DDHD1: variants seen among roughly 807,000 people sequenced by gnomAD.
The protein encoded by DDHD1 is phospholipase DDHD1.
In DDHD1, 49 loss-of-function variants were observed where a neutral mutation model predicts 96.4. That is an observed-to-expected ratio of 0.51 (90% CI 0.40 to 0.64). The LOEUF (loss-of-function observed/expected upper bound fraction) is 0.64. Ranked by LOEUF, DDHD1 falls within the 30% of genes least tolerant of loss-of-function variation. The pLI is 0.00. For missense variants in DDHD1, 1,106 were observed against 1,161.2 expected (o/e 0.95, Z 0.69); for synonymous variants, 442 against 446.5 (o/e 0.99, Z 0.13).
intron 2 of DDHD1, among the ~76,000 whole-genome samples, chr14:53,096,744 T>G (rs1251356694): frequency 6.6e-6 from 1 of 151,886 alleles, no homozygotes; most frequent in East Asian, 1.9e-4. Context: ...AAAAAAAAAT[T>G]CTTTTCTCAA....
chr14:53,112,837 T>C (rs1888209761), intron 1 of DDHD1, among the ~76,000 whole-genome samples: 1 of 152,176 alleles, frequency 6.6e-6, no homozygotes, highest in Admixed American at 6.5e-5. Context: ...CCTGCTTGAC[T>C]TTAACAAAAC....
Position 53,102,341 on chromosome 14 carries a change from A to G in DDHD1, c.1012+1342T>C, listed in dbSNP as rs573267443. On this transcript the variant is annotated intron_variant, in intron 2 of 12. Transcript: ENST00000673822. ...TGGCAATCTGTAGAAACATACCTAGAGCTCTTACACTGGGCTGCTCCTTAT... is the reference window on the plus strand; with the variant it reads ...TGGCAATCTGTAGAAACATACCTAGGGCTCTTACACTGGGCTGCTCCTTAT... Among the ~76,000 whole-genome samples, 3 of 152,126 alleles carry G rather than the reference A, an allele frequency of 2.0e-5. No individual in the cohort carries two copies. In the South Asian group the frequency reaches 6.2e-4, roughly 32 times the overall value.
intron 6 of DDHD1, among the ~76,000 whole-genome samples, chr14:53,070,491 G>C (rs573160888): frequency 6.6e-6 from 1 of 152,204 alleles, no homozygotes; most frequent in African/African-American, 2.4e-5. Context: ...TTTTGGGTTA[G>C]AACCTTGTTA....
intron 1 of DDHD1, among the ~76,000 whole-genome samples, chr14:53,118,541 C>G (rs1010620968): frequency 3.3e-5 from 5 of 151,788 alleles, no homozygotes; most frequent in African/African-American, 1.2e-4. Context: ...CCGATTCAAA[C>G]AAGTGGAAGA....
At chr14:53,140,229 T>C (rs1173493757) in intron 1 of DDHD1, among the ~76,000 whole-genome samples, 5 of 152,166 alleles carry the variant, frequency 3.3e-5, no homozygotes, top group Admixed American at 6.5e-5. Flanking sequence ...ACATACGTAA[T>C]TGAAATTCAA....
intron 1 of DDHD1, 55 bp downstream of exon 1, chr14:53,152,206 G>A: frequency 6.7e-7 from 1 of 1,496,780 alleles, no homozygotes. Context: ...ACACCGGTGC[G>A]CATCGGCCCA....
chr14:53,053,778 T>C (rs1359266958), intron 11 of DDHD1: 1 of 152,174 alleles, frequency 6.6e-6, no homozygotes, highest in Non-Finnish European at 1.5e-5. Context: ...CTAAAAATAA[T>C]GTTCAAGTTC....
At chr14:53,122,349 A>T (rs1431581222) in intron 1 of DDHD1, among the ~76,000 whole-genome samples, 3 of 151,766 alleles carry the variant, frequency 2.0e-5, no homozygotes, top group Non-Finnish European at 4.4e-5. Flanking sequence ...ACAGCTAGGC[A>T]CCTCCCTGGG....
intron 8 of DDHD1, among the ~76,000 whole-genome samples, chr14:53,058,892 ACAAAT>A (rs1163847061): frequency 9.8e-5 from 15 of 152,360 alleles, no homozygotes; most frequent in African/African-American, 3.6e-4. Context: ...ATTTGTATAC[ACAAAT>A]CAAATATTTA....
intron 1 of DDHD1, among the ~76,000 whole-genome samples, chr14:53,133,988 C>A (rs1198205913): frequency 6.6e-6 from 1 of 152,198 alleles, no homozygotes; most frequent in Non-Finnish European, 1.5e-5. Flanking sequence ...CATCGGACAG[C>A]CAGCCTGAAG....
intron 2 of DDHD1, chr14:53,103,048 C>G: frequency 6.4e-7 from 1 of 1,568,560 alleles, no homozygotes; most frequent in Non-Finnish European, 8.7e-7. Flanking sequence ...GTTGATCCCA[C>G]TGCCTGCAGT....
intron 1 of DDHD1, among the ~76,000 whole-genome samples, chr14:53,145,502 C>CAAAAAA (rs34747977): frequency 1.1e-4 from 7 of 61,688 alleles, no homozygotes; most frequent in African/African-American, 3.9e-4. Context: ...AACCTTGTCT[C>CAAAAAA]AAAAAAAAAA....
chr14:53,123,169 T>C (rs553927824), intron 1 of DDHD1, among the ~76,000 whole-genome samples: 50 of 147,062 alleles, frequency 3.4e-4, no homozygotes, highest in African/African-American at 1.2e-3. Context: ...TATTTTGAGA[T>C]GGAGTATTAC....
Position 53,152,647 on chromosome 14 carries a change from G to GGGCCGCCA in DDHD1, c.444_451dup (p.Pro151LeufsTer12). The GGGCCGCCA allele has an allele frequency of 6.2e-7, 1 of 1,613,084 alleles. No individual in the cohort carries two copies. The highest frequency in any genetic ancestry group is 8.5e-7 in the Non-Finnish European group (1 of 1,179,860). On this transcript the variant is annotated frameshift_variant, in exon 1 of 13. Transcript: ENST00000673822. LOFTEE classifies it high-confidence loss of function. ...TACCTCATAGCGGTGCCGGGCCGCC[G>GGGCCGCCA]GGCCGCCAAGCCGGGTACGTTTCCT...
At chr14:53,050,118 C>G (rs1882406750) in intron 12 of DDHD1, among the ~76,000 whole-genome samples, 1 of 152,090 alleles carries the variant, frequency 6.6e-6, no homozygotes, top group Admixed American at 6.5e-5. Flanking sequence ...TCTCTCAGTT[C>G]TAAGGAATGA....
chr14:53,113,370 A>G (rs1481176220), intron 1 of DDHD1, among the ~76,000 whole-genome samples: 4 of 140,086 alleles, frequency 2.9e-5, no homozygotes, highest in Non-Finnish European at 6.0e-5. Flanking sequence ...CTTTTTAAAA[A>G]AAAAAACCCC....
chr14:53,072,717 CA>C lies in DDHD1; in HGVS notation c.1397-15del. ...AATCAACAGTGTCTACAAAAACAAA[CA>C]AAAAAAGCAAGTTAACTTATAGAAA... is the stretch of plus-strand genomic sequence containing the variant. On this transcript the variant is annotated splice_polypyrimidine_tract_variant and intron_variant, in intron 5 of 12. Coordinates refer to ENST00000673822, the MANE Select transcript of DDHD1 (RefSeq NM_001160148.2). The C allele has an allele frequency of 4.5e-6, 7 of 1,559,048 alleles. No homozygotes were observed. Among genetic ancestry groups the C allele is most frequent in the East Asian group, 2.3e-5 (1 of 44,408 alleles).
chr14:53,099,649 C>T (rs1887151301), intron 2 of DDHD1, among the ~76,000 whole-genome samples: 1 of 152,136 alleles, frequency 6.6e-6, no homozygotes, highest in Admixed American at 6.5e-5. Context: ...ATGAGTGAAA[C>T]ACTAATCCAG....
intron 1 of DDHD1, among the ~76,000 whole-genome samples, chr14:53,106,173 A>C (rs1345637685): frequency 6.6e-6 from 1 of 152,212 alleles, no homozygotes; most frequent in African/African-American, 2.4e-5. Flanking sequence ...AGAACATATA[A>C]AAATTACATC....
Sources: allele counts gnomAD v4.1 joint callset (sites outside exome capture counted in the v4.1 genomes callset), GRCh38; gene constraint gnomAD v4.1.1; transcripts MANE v1.5; gene names NCBI Gene and HGNC (gene_info 2026-07-23, HGNC 2026-07-21).